ABHD8: variants seen among roughly 807,000 people sequenced by gnomAD.
ABHD8 encodes the protein protein ABHD8.
Under a neutral mutation model 29.3 loss-of-function variants are expected in ABHD8, and 10 were observed. That is an observed-to-expected ratio of 0.34 (90% confidence interval 0.21 to 0.58). The LOEUF (loss-of-function observed/expected upper bound fraction) is 0.58, where lower values mean the gene tolerates loss of function less well. Ranked by LOEUF, ABHD8 falls within the 20% of genes least tolerant of loss-of-function variation. The pLI, the probability that ABHD8 is intolerant of heterozygous loss-of-function variation, is 0.85. For synonymous variants in ABHD8, 282 were observed against 274.6 expected (o/e 1.03, Z -0.27); for missense variants, 556 against 615.3 (o/e 0.90, Z 1.02).
intron 2 of ABHD8, chr19:17,296,706 T>C (rs2074095110): frequency 1.3e-5 from 2 of 151,816 alleles, no homozygotes; most frequent in Admixed American, 1.3e-4. Flanking sequence ...TTTTTTTTTT[T>C]TTTTTTGAGA....
intron 2 of ABHD8, among the ~76,000 whole-genome samples, chr19:17,299,722 A>AAT (rs2074109015): frequency 6.6e-6 from 1 of 151,954 alleles, no homozygotes; most frequent in African/African-American, 2.4e-5. Flanking sequence ...AGAAAAAAAA[A>AAT]TTTTAAAAAT....
rs574551987 is a variant in ABHD8 at position 17,292,326 on chromosome 19, A to G, written c.*335T>C. The G allele has an allele frequency of 1.0e-5, 4 of 401,572 alleles. No homozygotes were observed. In the South Asian group the frequency reaches 2.9e-4, roughly 30 times the overall value. 24.9% of individuals were successfully genotyped at this position (401,572 alleles called of 1,614,324 possible). ...TGGGTCCCAGGATCAAGCACGGCTG[A>G]CACGGAAGACAGCGGGGTGGGGGGC... On this transcript the variant is annotated 3_prime_UTR_variant, in exon 5 of 5. Transcript: ENST00000247706.
intron 1 of ABHD8, among the ~76,000 whole-genome samples, chr19:17,302,476 G>A (rs2074125126): frequency 1.3e-5 from 2 of 152,158 alleles, no homozygotes; most frequent in Admixed American, 1.3e-4. Context: ...CAAATCTTTG[G>A]TGAGCCCCCA....
intron 2 of ABHD8, among the ~76,000 whole-genome samples, chr19:17,297,557 G>A (rs751006886): frequency 7.2e-5 from 11 of 151,890 alleles, no homozygotes; most frequent in Non-Finnish European, 1.6e-4. Flanking sequence ...GCCTCCAAAA[G>A]TTCTGGGATT....
In ABHD8 at chr19:17,301,222, G is replaced by C. The variant is rs765003550; in HGVS notation, c.395C>G (p.Ala132Gly). The change falls in exon 2 of 5, where the codon GCC (alanine) becomes GGC (glycine). Residue 132 changes from alanine (A) to glycine (G), a missense_variant. By Grantham distance (60) the Ala-to-Gly change is moderately conservative. Transcript: ENST00000247706. ...ADPAGSDGRL[A>G]PGSAGSGSGS... ...GCTGCCGCTGCCTGCGCTGCCGGGG[G>C]CCAAGCGGCCATCGCTGCCCGCCGG... 2.5e-6 allele frequency: 4 copies of C among 1,594,160 alleles called. No individual in the cohort carries two copies. In the Admixed American group the frequency reaches 6.9e-5, roughly 27 times the overall value.
chr19:17,292,641 A>G lies in ABHD8; in HGVS notation c.*20T>C. On this transcript the variant is annotated 3_prime_UTR_variant, in exon 5 of 5. Coordinates refer to ENST00000247706, the MANE Select transcript of ABHD8 (RefSeq NM_024527.5). ...CTGCTGCGGCTGTGCTCACCAAGCG[A>G]TGCCCCGCCGGCCCAGCGGCTACTT... 6.3e-7 allele frequency: 1 copy of G among 1,597,632 alleles called. No homozygotes were observed. Among genetic ancestry groups the G allele is most frequent in the Non-Finnish European group, 8.5e-7 (1 of 1,172,684 alleles).
chr19:17,295,002 C>A (rs2074087452), intron 2 of ABHD8, among the ~76,000 whole-genome samples, 157 bp from the exon 3 acceptor site: 1 of 152,046 alleles, frequency 6.6e-6, no homozygotes, highest in Admixed American at 6.6e-5. Context: ...TGGCTCACTG[C>A]AACCTCTGCC....
chr19:17,300,637 C>G (rs892138702), intron 2 of ABHD8, among the ~76,000 whole-genome samples: 3 of 152,190 alleles, frequency 2.0e-5, no homozygotes, highest in Admixed American at 6.5e-5. Flanking sequence ...GCCACCACGT[C>G]TGGCTAATTT....
At chr19:17,293,130 C>T (rs1406432788) in intron 4 of ABHD8, among the ~76,000 whole-genome samples, 5 of 140,518 alleles carry the variant, frequency 3.6e-5, no homozygotes, top group Admixed American at 1.5e-4. Flanking sequence ...GAGTCTTGCT[C>T]TGTCACCCAG....
chr19:17,294,597 C>T (rs1306138734), intron 3 of ABHD8, 78 bp downstream of exon 3: 10 of 1,605,574 alleles, frequency 6.2e-6, no homozygotes, highest in African/African-American at 4.0e-5. Context: ...GCGGTACAGT[C>T]CCCCCTCCCA....
rs2074117110 is a variant in ABHD8 at position 17,301,322 on chromosome 19, G to A, written c.295C>T (p.Pro99Ser). The A allele has an allele frequency of 1.2e-6, 2 of 1,607,766 alleles. No individual in the cohort carries two copies. The highest frequency in any genetic ancestry group is 1.7e-6 in the Non-Finnish European group (2 of 1,179,836). The stretch of plus-strand genomic sequence containing the variant: ...TGCCCGTGTAGGAGGTCGGCTCGAG[G>A]GGCTCGGCCCAGGTTTTCCACCAGC... The part of the protein sequence containing the change: ...RLLVENLGRA[P>S]RADLLHGQNG... Residue 99 changes from proline to serine, a missense_variant, in exon 2 of 5, where the codon CCT becomes TCT. Transcript: ENST00000247706.
At chr19:17,297,760 T>C (rs1286784549) in intron 2 of ABHD8, 1 of 128,518 alleles carries the variant, frequency 7.8e-6, no homozygotes, top group Non-Finnish European at 1.8e-5. Flanking sequence ...TTTTTTTTTT[T>C]ACTTTTTAGT....
intron 1 of ABHD8, among the ~76,000 whole-genome samples, chr19:17,302,661 C>G (rs2074126034): frequency 6.6e-6 from 1 of 152,238 alleles, no homozygotes; most frequent in Non-Finnish European, 1.5e-5. Context: ...AGACTCTGAA[C>G]TTCCTCCTTG....
At chr19:17,293,345 C>T (rs1568346381) in intron 4 of ABHD8, among the ~76,000 whole-genome samples, 1 of 152,008 alleles carries the variant, frequency 6.6e-6, no homozygotes, top group Non-Finnish European at 1.5e-5. Context: ...GATCTGCCCG[C>T]CTCGGTCTCC....
rs771183001 is a variant in ABHD8 at position 17,294,335 on chromosome 19, T to G, written c.1102A>C (p.Met368Leu). 22 of 1,612,108 alleles carry G rather than the reference T, an allele frequency of 1.4e-5. No homozygotes were observed. The highest frequency in any genetic ancestry group is 1.2e-5 in the Non-Finnish European group (14 of 1,179,982). ...LTVPVLLVHG[M>L]HDKFVPVEED... ...TCCACCGGCACAAACTTATCGTGCATGCCGTGGACAAGCAGGACGGGCACG... is the reference window on the plus strand; with the variant it reads ...TCCACCGGCACAAACTTATCGTGCAGGCCGTGGACAAGCAGGACGGGCACG... The change falls in exon 4 of 5, where the codon ATG becomes CTG. Residue 368 changes from methionine (M) to leucine (L), a missense_variant. This residue lies in a region of ABHD8 where 270 missense variants were observed against 353.9 expected (regional missense o/e 0.76). Transcript: ENST00000247706.
At chr19:17,300,327 T>TG (rs2074111717) in intron 2 of ABHD8, among the ~76,000 whole-genome samples, 1 of 151,898 alleles carries the variant, frequency 6.6e-6, no homozygotes, top group Non-Finnish European at 1.5e-5. Flanking sequence ...GCCTCAGCCC[T>TG]TAAGTAGGTG....
intron 4 of ABHD8, among the ~76,000 whole-genome samples, chr19:17,293,682 T>C (rs1434824126): frequency 3.4e-5 from 2 of 58,954 alleles, no homozygotes; most frequent in Non-Finnish European, 8.7e-5. Flanking sequence ...TATACTTTAA[T>C]GGTTTTTGTT....
In ABHD8 at chr19:17,294,440, C is replaced by G. The variant is rs202076995; in HGVS notation, c.997G>C (p.Val333Leu). The G allele has an allele frequency of 3.1e-6, 5 of 1,614,034 alleles. No homozygotes were observed. The highest frequency in any genetic ancestry group is 4.2e-6 in the Non-Finnish European group (5 of 1,180,004). Residue 333 changes from valine (V) to leucine (L), a missense_variant, in exon 4 of 5, where the codon GTG becomes CTG. Physicochemically the swap from Val to Leu is conservative, Grantham distance 32. Transcript: ENST00000247706. ...QLLKEGNAFN[V>L]SSFVLRAMMS... The stretch of plus-strand genomic sequence containing the variant: ...ATGGCCCGGAGTACGAAGGATGACA[C>G]GTTGAAAGCGTTGCCCTCCTTTAAC...
chr19:17,294,587 G>C, intron 3 of ABHD8, 83 bp from the exon 4 acceptor site: 1 of 1,608,082 alleles, frequency 6.2e-7, no homozygotes. Context: ...CCTAGTCCCA[G>C]CGGTACAGTC....
Sources: gnomAD v4.1 joint callset for allele counts (sites outside exome capture counted in the v4.1 genomes callset) on GRCh38, gnomAD v4.1.1 for gene constraint, gnomAD v4.1.1 regional missense constraint, MANE v1.5 for transcripts, NCBI Gene and HGNC (gene_info 2026-07-23, HGNC 2026-07-21) for gene names.